EBF3: variants seen among roughly 807,000 people sequenced by gnomAD.
EBF3 encodes transcription factor COE3.
Under a neutral mutation model 77.1 loss-of-function variants are expected in EBF3, and 18 were observed. The ratio of observed to expected loss-of-function variants is 0.23; its 90% CI spans 0.16 to 0.35. The LOEUF (loss-of-function observed/expected upper bound fraction) is 0.35, where lower values mean the gene tolerates loss of function less well. Ranked by LOEUF, EBF3 falls within the 10% of genes least tolerant of loss-of-function variation. The probability of loss-of-function intolerance (pLI) is 1.00; values close to 1 mark genes in which losing one functional copy is unlikely to be tolerated. For synonymous variants in EBF3, 350 were observed against 343.5 expected (o/e 1.02, Z -0.21); for missense variants, 558 against 860.0 (o/e 0.65, Z 4.39).
Position 129,848,509 on chromosome 10 carries a change from G to A in EBF3, c.1040-29C>T, listed in dbSNP as rs771651104. ...CAACAGGACACAGAAATGTAGATCA[G>A]GTTAATTACTTTTATGTCATCCATT... On this transcript the variant is annotated intron_variant, in intron 10 of 16. Transcript: ENST00000440978. The surrounding 1 kb of genome is among the most constrained non-coding windows in gnomAD (Gnocchi z 4.4). 6 of 1,608,432 alleles carry A rather than the reference G, an allele frequency of 3.7e-6. No homozygotes were observed. The highest frequency in any genetic ancestry group is 5.1e-6 in the Non-Finnish European group (6 of 1,174,808).
At chr10:129,896,823 C>T (rs1461095951) in intron 6 of EBF3, among the ~76,000 whole-genome samples, 7 of 152,244 alleles carry the variant, frequency 4.6e-5, no homozygotes, top group East Asian at 1.9e-4. Flanking sequence ...AGCCACCTTT[C>T]GCCCTGCGTG....
Position 129,963,671 on chromosome 10 carries a change from G to T in EBF3, c.98C>A (p.Thr33Lys). The T allele has an allele frequency of 6.6e-7, 1 of 1,510,024 alleles. No individual in the cohort carries two copies. The highest frequency in any genetic ancestry group is 8.9e-7 in the Non-Finnish European group (1 of 1,121,780). The allele number at this position is 1,510,024 out of a possible 1,614,324, so 93.5% of individuals were successfully genotyped here. A position where few individuals can be genotyped will look rare whatever the true frequency, so the allele number is the denominator to read the frequency against. ...CGTGTTGGCGTCCACCACGCCCGCC[G>T]TGTGCATCCACGAGCGCACCGGGTT... ...GMNPVRSWMH[T>K]AGVVDANTAA... Residue 33 changes from threonine (T) to lysine (K), a missense_variant, in exon 1 of 17, where the codon ACG (threonine) becomes AAG (lysine). Thr to Lys is a moderately conservative substitution (Grantham distance 78). Around this residue, in one of 5 missense-constraint regions of EBF3, gnomAD observed 64 missense variants for 54.5 expected, o/e 1.18. Transcript: ENST00000440978. The surrounding 1 kb of genome is among the most constrained non-coding windows in gnomAD (Gnocchi z 7.1).
In EBF3 at chr10:129,840,300, C is replaced by A. The variant is rs1054042851; in HGVS notation, c.1704G>T (p.Arg568=). The A allele has an allele frequency of 6.3e-7, 1 of 1,594,328 alleles. No individual in the cohort carries two copies. The highest frequency in any genetic ancestry group is 8.5e-7 in the Non-Finnish European group (1 of 1,170,622). The change falls in exon 15 of 17, where the codon CGG becomes CGT. Residue 568 remains arginine, a synonymous_variant. Coordinates refer to ENST00000440978, the MANE Select transcript of EBF3 (RefSeq NM_001375380.1). Reference sequence around the variant, plus strand: ...AGGAAGGAGGAGGAGAGGCTTGGGGCCGGACCACGGGCGCGAAGGCGCTCT... The same window carrying A: ...AGGAAGGAGGAGGAGAGGCTTGGGGACGGACCACGGGCGCGAAGGCGCTCT... The part of the protein sequence containing the change: ...KQKSAFAPVV[R]PQASPPPSCT...
chr10:129,948,287 CA>C lies in EBF3; in HGVS notation c.554+8970del, dbSNP rs781266692. ...AAAAAAAAAAAAAAAAAAAAAAAAGCAGCAGCAGCTAGCCTGGAAAGACTAC... is the reference window on the plus strand; with the variant it reads ...AAAAAAAAAAAAAAAAAAAAAAAAGCGCAGCAGCTAGCCTGGAAAGACTAC... On this transcript the variant is annotated intron_variant, in intron 6 of 16. Transcript: ENST00000440978. Among the ~76,000 whole-genome samples, 328 of 133,426 alleles carry C rather than the reference CA, an allele frequency of 2.5e-3. 4 individuals carry two copies. Among genetic ancestry groups the C allele is most frequent in the Middle Eastern group, 4.5e-3 (1 of 220 alleles). 87.5% of individuals were successfully genotyped at this position (133,426 alleles called of 152,430 possible).
chr10:129,948,969 C>A (rs1345546316), intron 6 of EBF3, among the ~76,000 whole-genome samples: 1 of 152,146 alleles, frequency 6.6e-6, no homozygotes, highest in Admixed American at 6.5e-5. Context: ...CATTTAGGCC[C>A]CTGCCAGCCA....
chr10:129,854,581 C>T (rs181997675), intron 10 of EBF3, among the ~76,000 whole-genome samples: 4 of 152,250 alleles, frequency 2.6e-5, no homozygotes, highest in African/African-American at 9.6e-5. Context: ...TGCACATTAA[C>T]GCGGCCATGG....
intron 6 of EBF3, among the ~76,000 whole-genome samples, chr10:129,918,082 G>C (rs962854923): frequency 6.6e-6 from 1 of 152,198 alleles, no homozygotes; most frequent in African/African-American, 2.4e-5. Context: ...CACACAGTTA[G>C]GAAGGGGCCC....
chr10:129,845,716 T>C (rs1435903846), intron 11 of EBF3: 1 of 151,842 alleles, frequency 6.6e-6, no homozygotes, highest in African/African-American at 2.4e-5. Context: ...GCATGGGTAA[T>C]TGCTCAACAT....
At position 129,898,646 on chromosome 10, in the gene EBF3, T is replaced by C. The variant is rs548005793; in HGVS notation, c.555-20797A>G. On this transcript the variant is annotated intron_variant, in intron 6 of 16. Transcript: ENST00000440978. ...AAAACTAAACTGTTGGGATGGGCAC[T>C]TCATGGAATCATTAATGTGCAGTTT... 3.5e-4 allele frequency among the ~76,000 whole-genome samples: 53 copies of C among 152,370 alleles called. No homozygotes were observed. In the South Asian group the frequency reaches 3.9e-3, roughly 11 times the overall value.
chr10:129,942,739 A>G (rs929138569), intron 6 of EBF3, among the ~76,000 whole-genome samples: 12 of 152,330 alleles, frequency 7.9e-5, no homozygotes, highest in Non-Finnish European at 1.6e-4. Context: ...ATTGGAATGT[A>G]CCATCAGTAA....
At chr10:129,917,995 C>T (rs1856010383) in intron 6 of EBF3, among the ~76,000 whole-genome samples, 1 of 152,214 alleles carries the variant, frequency 6.6e-6, no homozygotes, top group Non-Finnish European at 1.5e-5. Context: ...TTGGTATTGA[C>T]TTCCTTCAAC....
intron 6 of EBF3, among the ~76,000 whole-genome samples, chr10:129,910,042 G>T (rs1039591317): frequency 6.6e-6 from 1 of 152,260 alleles, no homozygotes; most frequent in East Asian, 1.9e-4. Flanking sequence ...TAAGCAACGC[G>T]TGGAGAGGAG....
At chr10:129,961,342 C>CG (rs922933320) in intron 4 of EBF3, among the ~76,000 whole-genome samples, 1 of 152,054 alleles carries the variant, frequency 6.6e-6, no homozygotes, top group African/African-American at 2.4e-5. Context: ...AAAATGGGGG[C>CG]GGGGGGAAAT....
At chr10:129,891,126 C>G (rs1442166760) in intron 6 of EBF3, among the ~76,000 whole-genome samples, 2 of 152,080 alleles carry the variant, frequency 1.3e-5, no homozygotes, top group African/African-American at 4.8e-5. Context: ...TTTGAATGTA[C>G]CGGGATATAG....
rs1849574070 is a variant in EBF3, at chr10:129,835,712, T to C, written c.*2231A>G. The C allele has an allele frequency of 6.6e-6, 1 of 152,300 alleles. No homozygotes were observed. The highest frequency in any genetic ancestry group is 1.5e-5 in the Non-Finnish European group (1 of 68,030). The allele number at this position is 152,300 out of a possible 1,614,324, so 9.4% of individuals were successfully genotyped here. The stretch of plus-strand genomic sequence containing the variant: ...AATTTTGTCCCTAGAATGAACACTT[T>C]GTAAGTTGTGCATTGTTGATTTTTG... On this transcript the variant is annotated 3_prime_UTR_variant, in exon 17 of 17. Transcript: ENST00000440978.
chr10:129,915,237 G>A lies in EBF3; in HGVS notation c.555-37388C>T, dbSNP rs564500232. ...GGAACTCAGCAAAAGGCTCTGTGAT[G>A]TGAGGCCTCATTTCAATACAAGGGC... On this transcript the variant is annotated intron_variant, in intron 6 of 16. Coordinates refer to ENST00000440978, the MANE Select transcript of EBF3 (RefSeq NM_001375380.1). Among the ~76,000 whole-genome samples, 7 of 152,146 alleles carry A rather than the reference G, an allele frequency of 4.6e-5. No homozygotes were observed. In the South Asian group the frequency reaches 1.0e-3, roughly 23 times the overall value.
At position 129,840,513 on chromosome 10, in the gene EBF3, C is replaced by T. The variant is rs192648900; in HGVS notation, c.1562-71G>A. On this transcript the variant is annotated intron_variant, in intron 14 of 16. Transcript: ENST00000440978. The stretch of plus-strand genomic sequence containing the variant: ...GCCACGGCGAGAGGGCACCAAAGGC[C>T]TCGCCTCGGACGGGGGGGCAGGGGC... 1.5e-5 allele frequency: 22 copies of T among 1,499,594 alleles called. No individual in the cohort carries two copies. The East Asian group carries it at 5.0e-4, about 34-fold the overall frequency. 92.9% of individuals were successfully genotyped at this position (1,499,594 alleles called of 1,614,324 possible). A position where few individuals can be genotyped will look rare whatever the true frequency, so the allele number is the denominator to read the frequency against.
intron 6 of EBF3, among the ~76,000 whole-genome samples, chr10:129,956,661 G>A (rs1370386986): frequency 6.6e-6 from 1 of 152,174 alleles, no homozygotes; most frequent in South Asian, 2.1e-4. Flanking sequence ...ACAGCTAATC[G>A]AGTTATGAAA....
In EBF3 at chr10:129,964,232, C is replaced by T. The variant is rs1324902544; in HGVS notation, c.-464G>A. On this transcript the variant is annotated 5_prime_UTR_variant, in exon 1 of 17. Transcript: ENST00000440978. The surrounding 1 kb of genome is among the most constrained non-coding windows in gnomAD (Gnocchi z 4.5). ...GCGGGGCCTGGAGCGGCGCGCGCAG[C>T]GGACGGAGGCGCACAAAACTCAGCC... 1 of 984,782 alleles carries T rather than the reference C, an allele frequency of 1.0e-6. No individual in the cohort carries two copies. Among genetic ancestry groups the T allele is most frequent in the Non-Finnish European group, 1.2e-6 (1 of 829,770 alleles). The allele number at this position is 984,782 out of a possible 1,614,324, so 61.0% of individuals were successfully genotyped here.
Sources: allele counts gnomAD v4.1 joint callset (sites outside exome capture counted in the v4.1 genomes callset), GRCh38; gene constraint gnomAD v4.1.1; regional missense constraint gnomAD v4.1.1; non-coding constraint Gnocchi (gnomAD v3.1); transcripts MANE v1.5; gene names NCBI Gene and HGNC (gene_info 2026-07-23, HGNC 2026-07-21).